SLC41A3: variants seen among roughly 807,000 people sequenced by gnomAD.
SLC41A3 encodes SLC41A1-like 2.
SLC41A3 carries 44 observed loss-of-function variants against 45.4 expected under a neutral mutation model. The ratio of observed to expected loss-of-function variants is 0.97; its 90% CI spans 0.76 to 1.25. The LOEUF (loss-of-function observed/expected upper bound fraction) is 1.25, where lower values mean the gene tolerates loss of function less well. Among genes scored for constraint, SLC41A3 ranks in the 50% most tolerant of loss-of-function variants. The pLI is 0.00. For synonymous variants in SLC41A3, 256 were observed against 252.4 expected (o/e 1.01, Z -0.13); for missense variants, 550 against 600.6 (o/e 0.92, Z 0.88).
intron 3 of SLC41A3, among the ~76,000 whole-genome samples, chr3:126,043,035 T>C (rs1017938470): frequency 3.4e-5 from 5 of 146,158 alleles, no homozygotes; most frequent in Admixed American, 6.8e-5. Flanking sequence ...GATATGAATA[T>C]AGAAATGTAA....
intron 3 of SLC41A3, among the ~76,000 whole-genome samples, chr3:126,034,590 C>T (rs768963049): frequency 1.3e-5 from 2 of 152,200 alleles, no homozygotes; most frequent in Admixed American, 6.5e-5. Context: ...TGACACCCAC[C>T]GCAGGTGTCC....
At chr3:126,058,451 TC>T (rs1943812484) in intron 2 of SLC41A3, among the ~76,000 whole-genome samples, 1 of 152,068 alleles carries the variant, frequency 6.6e-6, no homozygotes. Flanking sequence ...AGCCTGCCTC[TC>T]CCAAGTGGCC....
intron 3 of SLC41A3, among the ~76,000 whole-genome samples, chr3:126,036,665 C>T (rs1281485582): frequency 6.6e-6 from 1 of 151,870 alleles, no homozygotes; most frequent in Non-Finnish European, 1.5e-5. Flanking sequence ...CACTGCCCAC[C>T]TGTATATCAC....
At chr3:126,050,889 G>C in intron 3 of SLC41A3, 54 bp downstream of exon 3, 1 of 1,554,732 alleles carries the variant, frequency 6.4e-7, no homozygotes, top group Non-Finnish European at 8.7e-7. Context: ...CCAGGTGGTA[G>C]GGACGCGCCT....
At chr3:126,087,005 T>TA (rs981575582), upstream of SLC41A3, among the ~76,000 whole-genome samples, 1 of 152,024 alleles carries the variant, frequency 6.6e-6, no homozygotes, top group Admixed American at 6.6e-5. Flanking sequence ...AAATCATTGG[T>TA]AAAAAAAATT....
chr3:126,006,979 G>A lies in SLC41A3; in HGVS notation c.*37C>T, dbSNP rs1025413642. ...ATTCTGTATCCCACTGATGTGAGAG[G>A]AAATTCTAATGAGCAAATGGGACCA... On this transcript the variant is annotated 3_prime_UTR_variant, in exon 11 of 11. Transcript: ENST00000360370. 3 of 1,613,406 alleles carry A rather than the reference G, an allele frequency of 1.9e-6. No homozygotes were observed. The highest frequency in any genetic ancestry group is 2.5e-6 in the Non-Finnish European group (3 of 1,179,564).
At chr3:126,087,874 T>C (rs1035821262), upstream of SLC41A3, among the ~76,000 whole-genome samples, 1 of 152,124 alleles carries the variant, frequency 6.6e-6, no homozygotes, top group African/African-American at 2.4e-5. Flanking sequence ...GGGTCTTTGA[T>C]ATTTAAAAAA....
chr3:126,086,408 GTTTTTTTTTTTT>G (rs57316346), upstream of SLC41A3, among the ~76,000 whole-genome samples: 52 of 21,170 alleles, frequency 2.5e-3, no homozygotes, highest in Middle Eastern at 0.056. Context: ...TTGTTTTCTT[GTTTTTTTTTTTT>G]TTTTTTTTTT....
intron 3 of SLC41A3, among the ~76,000 whole-genome samples, chr3:126,040,323 C>G (rs1165666156): frequency 6.6e-6 from 1 of 152,130 alleles, no homozygotes; most frequent in East Asian, 1.9e-4. Context: ...TTTTAAAATG[C>G]ACAAGAGTGC....
chr3:126,067,539 G>A (rs1032582553), intron 2 of SLC41A3: 2 of 435,434 alleles, frequency 4.6e-6, no homozygotes, highest in Non-Finnish European at 9.1e-6. Flanking sequence ...GGCCACAGGA[G>A]AAACCAATGC....
chr3:126,100,848 G>A (rs769276616), intron 1 of SLC41A3, among the ~76,000 whole-genome samples: 45 of 152,096 alleles, frequency 3.0e-4, no homozygotes, highest in East Asian at 7.7e-4. Flanking sequence ...ACCACACTCC[G>A]GGTTTGACTC....
At chr3:126,014,190 G>C (rs574516050) in intron 8 of SLC41A3, among the ~76,000 whole-genome samples, 1 of 152,256 alleles carries the variant, frequency 6.6e-6, no homozygotes, top group African/African-American at 2.4e-5. Flanking sequence ...GGCTGTTCTA[G>C]AGGATGCAAA....
At chr3:126,060,387 C>A (rs1001002103) in intron 2 of SLC41A3, among the ~76,000 whole-genome samples, 2 of 150,648 alleles carry the variant, frequency 1.3e-5, no homozygotes, top group Non-Finnish European at 2.9e-5. Context: ...CCATTGCACT[C>A]CAGCCTGGAA....
At chr3:126,070,693 GAC>G (rs919812445) in intron 1 of SLC41A3, among the ~76,000 whole-genome samples, 15 of 152,044 alleles carry the variant, frequency 9.9e-5, no homozygotes, top group African/African-American at 3.6e-4. Flanking sequence ...CAGATAAACA[GAC>G]ACAGAGCATT....
intron 2 of SLC41A3, among the ~76,000 whole-genome samples, chr3:126,063,726 C>T (rs1490225467): frequency 1.3e-5 from 2 of 152,236 alleles, no homozygotes. Flanking sequence ...AAAGTTCAGA[C>T]ATGGCCGACG....
intron 2 of SLC41A3, among the ~76,000 whole-genome samples, chr3:126,062,560 A>T (rs1163826316): frequency 6.6e-6 from 1 of 152,204 alleles, no homozygotes; most frequent in Non-Finnish European, 1.5e-5. Flanking sequence ...AGGGCATACA[A>T]GTAACTCACA....
intron 2 of SLC41A3, among the ~76,000 whole-genome samples, chr3:126,064,743 C>A (rs1944263040): frequency 1.3e-5 from 2 of 152,250 alleles, no homozygotes; most frequent in African/African-American, 4.8e-5. Flanking sequence ...TGCCTGGAGA[C>A]CCCCGTTCTT....
chr3:126,015,050 GA>G (rs1167267130), intron 8 of SLC41A3, among the ~76,000 whole-genome samples: 2 of 152,192 alleles, frequency 1.3e-5, no homozygotes, highest in Non-Finnish European at 2.9e-5. Context: ...TTTTTAAGAA[GA>G]AGAAATCCAG....
chr3:126,022,700 A>G (rs2107705834), intron 6 of SLC41A3, 86 bp downstream of exon 6: 1 of 1,529,276 alleles, frequency 6.5e-7, no homozygotes, highest in East Asian at 2.3e-5. Context: ...CTGGGTGCAA[A>G]AGTACCCACT....
Sources: allele counts gnomAD v4.1 joint callset (sites outside exome capture counted in the v4.1 genomes callset), GRCh38; gene constraint gnomAD v4.1.1; transcripts MANE v1.5; gene names NCBI Gene and HGNC (gene_info 2026-07-23, HGNC 2026-07-21).